The following LEKR1 variants were observed in gnomAD, a reference collection of about 807,000 sequenced individuals.
LEKR1 encodes the protein protein LEKR1.
LEKR1 carries 59 observed loss-of-function variants against 72.4 expected under a neutral mutation model. The ratio of observed to expected loss-of-function variants is 0.82; its 90% CI spans 0.66 to 1.01. The LOEUF (loss-of-function observed/expected upper bound fraction) is 1.01. Among genes scored for constraint, LEKR1 ranks in the 50% least tolerant of loss-of-function variants. The probability of loss-of-function intolerance (pLI) is 0.00; values close to 1 mark genes in which losing one functional copy is unlikely to be tolerated. For synonymous variants in LEKR1, 257 were observed against 263.2 expected, an observed-to-expected ratio of 0.98 and a Z score of 0.23; for missense variants, 728 against 759.2, an observed-to-expected ratio of 0.96 and a Z score of 0.48.
intron 9 of LEKR1, among the ~76,000 whole-genome samples, chr3:157,006,928 A>G (rs4680328): frequency 0.74 from 111,861 of 152,124 alleles, 41,593 homozygotes; most frequent in East Asian, 0.94. Context: ...GCGGATGGGC[A>G]CGGCGGCTCA....
In LEKR1 at chr3:156,860,727, A is replaced by G. The variant is rs569777874; in HGVS notation, c.263+7745A>G. ...CCTAGACTGGCTGGATCAGTTAGGA[A>G]TACAATCTATAGTAAGTGGCTTAAA... On this transcript the variant is annotated intron_variant, in intron 3 of 12. Coordinates refer to ENST00000356539, the MANE Select transcript of LEKR1 (RefSeq NM_001004316.3). 3.3e-5 allele frequency among the ~76,000 whole-genome samples: 5 copies of G among 152,320 alleles called. No homozygotes were observed. The East Asian group carries it at 9.6e-4, about 29-fold the overall frequency.
intron 2 of LEKR1, among the ~76,000 whole-genome samples, chr3:156,846,828 T>C (rs780604485): frequency 2.0e-5 from 3 of 152,152 alleles, no homozygotes; most frequent in Non-Finnish European, 2.9e-5. Flanking sequence ...TATTTATTTA[T>C]TTGAAACAAG....
At chr3:156,887,477 C>T (rs966915616) in intron 3 of LEKR1, among the ~76,000 whole-genome samples, 16 of 151,980 alleles carry the variant, frequency 1.1e-4, no homozygotes, top group African/African-American at 2.4e-5. Flanking sequence ...TATTTAGAAA[C>T]GTGTTCATAA....
intron 3 of LEKR1, among the ~76,000 whole-genome samples, chr3:156,904,606 G>A (rs932880128): frequency 3.3e-5 from 5 of 150,216 alleles, no homozygotes; most frequent in Admixed American, 1.3e-4. Flanking sequence ...CTGCAGACAC[G>A]CCACACTACA....
At chr3:156,969,860 G>A (rs1345681918) in intron 6 of LEKR1, among the ~76,000 whole-genome samples, 1 of 152,188 alleles carries the variant, frequency 6.6e-6, no homozygotes, top group Non-Finnish European at 1.5e-5. Flanking sequence ...GAACATCAAT[G>A]CAAAAATCCT....
chr3:157,033,657 C>T (rs1015213119), intron 12 of LEKR1, among the ~76,000 whole-genome samples: 3 of 152,170 alleles, frequency 2.0e-5, no homozygotes, highest in East Asian at 1.9e-4. Flanking sequence ...GTGCTCATGT[C>T]GAAGCTGTGG....
At chr3:157,036,629 C>T (rs1734987304) in intron 12 of LEKR1, among the ~76,000 whole-genome samples, 1 of 152,080 alleles carries the variant, frequency 6.6e-6, no homozygotes, top group South Asian at 2.1e-4. Context: ...ATATAGGAAT[C>T]AGGAAATAAG....
chr3:156,971,747 T>C (rs137858755), intron 6 of LEKR1, among the ~76,000 whole-genome samples: 23,787 of 152,068 alleles, frequency 0.16, 2,112 homozygotes, highest in South Asian at 0.25. Context: ...AAAATGCTCA[T>C]CATCACTGGC....
intron 11 of LEKR1, 146 bp downstream of exon 11, chr3:157,025,070 G>A (rs564987138): frequency 5.8e-5 from 31 of 533,700 alleles, no homozygotes; most frequent in African/African-American, 3.3e-4. Flanking sequence ...CAGGTAAGAC[G>A]GTTTGGCTAA....
rs113326724 is a variant in LEKR1 at position 157,012,571 on chromosome 3, C to G, written c.1203+1065C>G. Among the ~76,000 whole-genome samples, 224 of 152,202 alleles carry G rather than the reference C, an allele frequency of 1.5e-3. 1 individual carries two copies. The highest frequency in any genetic ancestry group is 5.2e-3 in the African/African-American group (216 of 41,540). On this transcript the variant is annotated intron_variant, in intron 10 of 12. Transcript: ENST00000356539. The stretch of plus-strand genomic sequence containing the variant: ...AGAACAATTTTAAATTTGTCACTTT[C>G]ATTTCCAATCTTCAAACAGTTGGCC...
intron 12 of LEKR1, among the ~76,000 whole-genome samples, chr3:157,029,075 A>C (rs954347870): frequency 6.6e-6 from 1 of 152,352 alleles, no homozygotes; most frequent in Non-Finnish European, 1.5e-5. Flanking sequence ...ACAGTATAGC[A>C]AATAAAGGTA....
At chr3:156,921,591 A>T (rs1724202005) in intron 4 of LEKR1, among the ~76,000 whole-genome samples, 1 of 152,178 alleles carries the variant, frequency 6.6e-6, no homozygotes, top group Admixed American at 6.6e-5. Flanking sequence ...AATCCCCTTG[A>T]TCCTTTCCTA....
intron 3 of LEKR1, among the ~76,000 whole-genome samples, chr3:156,894,146 T>C (rs751790300): frequency 5.9e-5 from 9 of 152,236 alleles, no homozygotes; most frequent in Non-Finnish European, 8.8e-5. Context: ...CTGAAAGGGA[T>C]AGCTCCTCTG....
At chr3:156,962,453 T>C (rs530943222) in intron 6 of LEKR1, among the ~76,000 whole-genome samples, 1 of 152,358 alleles carries the variant, frequency 6.6e-6, no homozygotes, top group South Asian at 2.1e-4. Flanking sequence ...AAGTTTAGCC[T>C]GATCTCTAGA....
At chr3:157,039,358 C>G (rs1416501340) in intron 12 of LEKR1, among the ~76,000 whole-genome samples, 1 of 152,186 alleles carries the variant, frequency 6.6e-6, no homozygotes, top group Admixed American at 6.5e-5. Context: ...TGGTGGCTCA[C>G]GCCTATAACC....
chr3:157,008,950 A>C (rs1467263414), intron 9 of LEKR1, among the ~76,000 whole-genome samples: 19 of 152,166 alleles, frequency 1.2e-4, no homozygotes, highest in Admixed American at 1.2e-3. Context: ...TTTTGATAGC[A>C]ATTAATAATT....
At chr3:157,016,158 C>CA (rs58870589) in intron 10 of LEKR1, among the ~76,000 whole-genome samples, 8 of 151,330 alleles carry the variant, frequency 5.3e-5, no homozygotes, top group Non-Finnish European at 1.0e-4. Flanking sequence ...GAAGAGGGAA[C>CA]AAAAAAAATT....
intron 6 of LEKR1, among the ~76,000 whole-genome samples, chr3:156,966,269 T>G (rs1358255466): frequency 1.3e-5 from 2 of 151,740 alleles, no homozygotes; most frequent in Non-Finnish European, 2.9e-5. Flanking sequence ...TGGGGAGTGT[T>G]GGAAATTGGG....
At position 156,881,706 on chromosome 3, in the gene LEKR1, C is replaced by A. The variant is rs1192951474; in HGVS notation, c.263+28724C>A. Among the ~76,000 whole-genome samples, 8 of 140,842 alleles carry A rather than the reference C, an allele frequency of 5.7e-5. No homozygotes were observed. The East Asian group carries it at 1.4e-3, about 25-fold the overall frequency. 92.4% of individuals were successfully genotyped at this position (140,842 alleles called of 152,430 possible). On this transcript the variant is annotated intron_variant, in intron 3 of 12. Coordinates refer to ENST00000356539, the MANE Select transcript of LEKR1 (RefSeq NM_001004316.3). ...CCGCATCGCCAAGTCAATCCTAAGC[C>A]AAAAGAACAAAGCTGGAGGCATCAC...
Sources: gnomAD v4.1 joint callset for allele counts (sites outside exome capture counted in the v4.1 genomes callset) on GRCh38, gnomAD v4.1.1 for gene constraint, MANE v1.5 for transcripts, NCBI Gene and HGNC (gene_info 2026-07-23, HGNC 2026-07-21) for gene names.